Variants in GTF2F2 observed in about 807,000 individuals in gnomAD.
GTF2F2 encodes the protein ATP-dependent helicase GTF2F2.
In GTF2F2, 23 loss-of-function variants were observed where a neutral mutation model predicts 42.2. That is an observed-to-expected ratio of 0.55 (90% CI 0.39 to 0.77). The LOEUF is 0.77. Among genes scored for constraint, GTF2F2 ranks in the 30% least tolerant of loss-of-function variants. The pLI is 0.00. For missense variants in GTF2F2, 261 were observed against 287.2 expected (o/e 0.91, Z 0.66); for synonymous variants, 105 against 100.8 (o/e 1.04, Z -0.25).
intron 4 of GTF2F2, among the ~76,000 whole-genome samples, chr13:45,198,550 C>T (rs921112944): frequency 7.9e-5 from 12 of 152,172 alleles, no homozygotes; most frequent in African/African-American, 2.9e-4. Flanking sequence ...GCTATCAAAT[C>T]TTGGTTGTTG....
At chr13:45,172,919 G>A (rs1871669143) in intron 4 of GTF2F2, among the ~76,000 whole-genome samples, 1 of 151,778 alleles carries the variant, frequency 6.6e-6, no homozygotes, top group Non-Finnish European at 1.5e-5. Context: ...CATGATTGTT[G>A]ATTGTTGACC....
At chr13:45,193,490 T>C in intron 4 of GTF2F2, 1 of 270,378 alleles carries the variant, frequency 3.7e-6, no homozygotes, top group Non-Finnish European at 6.9e-6. Flanking sequence ...CCCAAGACAA[T>C]CTGAATTGAA....
At position 45,278,459 on chromosome 13, in the gene GTF2F2, T is replaced by C. The variant is rs534437248; in HGVS notation, c.631-4983T>C. ...AAGAATTGCTGGACCTGAGCCAGTT[T>C]ATTCAGATCTTGTGCTGCAGCTTGG... On this transcript the variant is annotated intron_variant, in intron 7 of 7. Transcript: ENST00000340473. Among the ~76,000 whole-genome samples the C allele has an allele frequency of 3.3e-4, 51 of 152,342 alleles. 1 individual carries two copies. The South Asian group carries it at 8.9e-3, about 27-fold the overall frequency.
chr13:45,186,043 C>T (rs948077128), intron 4 of GTF2F2, among the ~76,000 whole-genome samples: 1 of 151,818 alleles, frequency 6.6e-6, no homozygotes, highest in African/African-American at 2.4e-5. Flanking sequence ...GGCACGATCT[C>T]GGCTCACTGC....
At chr13:45,219,627 A>G (rs1874028843) in intron 5 of GTF2F2, 1 of 152,244 alleles carries the variant, frequency 6.6e-6, no homozygotes, top group Admixed American at 6.5e-5. Context: ...GAGGTAGGAC[A>G]TTAAATGATT....
rs370682302 is a variant in GTF2F2, at chr13:45,252,854, C to T, written c.387-17C>T. 2.2e-4 allele frequency: 240 copies of T among 1,078,282 alleles called. No homozygotes were observed. The highest frequency in any genetic ancestry group is 2.9e-4 in the Non-Finnish European group (214 of 744,710). The allele number at this position is 1,078,282 out of a possible 1,614,324, so 66.8% of individuals were successfully genotyped here. A position where few individuals can be genotyped will look rare whatever the true frequency, so the allele number is the denominator to read the frequency against. On this transcript the variant is annotated splice_polypyrimidine_tract_variant and intron_variant, in intron 5 of 7. Coordinates refer to ENST00000340473, the MANE Select transcript of GTF2F2 (RefSeq NM_004128.3). The stretch of plus-strand genomic sequence containing the variant: ...TGCTAAACAAGAGTGTTAATAATGC[C>T]TTATATTTTTTTTCAGATTGCAAAT...
intron 5 of GTF2F2, among the ~76,000 whole-genome samples, chr13:45,238,396 C>T (rs755644942): frequency 4.6e-5 from 7 of 152,134 alleles, no homozygotes; most frequent in African/African-American, 1.7e-4. Flanking sequence ...ATCAGCTCAA[C>T]GTTTTTTCCC....
At chr13:45,230,903 T>C (rs1224054233) in intron 5 of GTF2F2, among the ~76,000 whole-genome samples, 1 of 152,136 alleles carries the variant, frequency 6.6e-6, no homozygotes. Context: ...TGGGTTTTTT[T>C]TAGTTTGCAG....
intron 5 of GTF2F2, among the ~76,000 whole-genome samples, chr13:45,245,988 T>G (rs1424626107): frequency 8.6e-6 from 1 of 115,922 alleles, no homozygotes; most frequent in Non-Finnish European, 1.7e-5. Flanking sequence ...CACGCCAACA[T>G]CTATTATTTA....
At chr13:45,149,433 CAA>C (rs34165758) in intron 2 of GTF2F2, among the ~76,000 whole-genome samples, 25,956 of 90,720 alleles carry the variant, frequency 0.29, 1,833 homozygotes, top group Non-Finnish European at 0.31. Context: ...ACCCTGTCTC[CAA>C]AAAAAAAAAA....
At chr13:45,211,044 G>A (rs999233987) in intron 5 of GTF2F2, among the ~76,000 whole-genome samples, 10 of 152,180 alleles carry the variant, frequency 6.6e-5, no homozygotes, top group African/African-American at 2.4e-4. Flanking sequence ...AGACTTCTTT[G>A]GTTGTGGAAT....
At chr13:45,166,059 C>T (rs1045055471) in intron 4 of GTF2F2, among the ~76,000 whole-genome samples, 1 of 152,092 alleles carries the variant, frequency 6.6e-6, no homozygotes, top group African/African-American at 2.4e-5. Context: ...GGTGATCTGC[C>T]AGCATCAGCC....
At chr13:45,232,845 A>T (rs1322030313) in intron 5 of GTF2F2, among the ~76,000 whole-genome samples, 3 of 152,174 alleles carry the variant, frequency 2.0e-5, no homozygotes, top group African/African-American at 7.2e-5. Flanking sequence ...CACATAGTGT[A>T]AGTGTGTACT....
chr13:45,195,233 G>A (rs1487176850), intron 4 of GTF2F2, among the ~76,000 whole-genome samples: 2 of 151,926 alleles, frequency 1.3e-5, no homozygotes, highest in Admixed American at 1.3e-4. Context: ...CTATGTTAAA[G>A]GATGTTAAGA....
At position 45,235,651 on chromosome 13, in the gene GTF2F2, G is replaced by A. The variant is rs146110816; in HGVS notation, c.387-17220G>A. Among the ~76,000 whole-genome samples, 876 of 151,870 alleles carry A rather than the reference G, an allele frequency of 5.8e-3. 23 individuals are homozygous for A. Among genetic ancestry groups the A allele is most frequent in the Admixed American group, 0.051 (771 of 15,264 alleles). On this transcript the variant is annotated intron_variant, in intron 5 of 7. Transcript: ENST00000340473. ...GTTGCCCAGGCTGCAGTGCAGTGGC[G>A]TGATCTCAGCTCATTGCAATTTCCG... is the stretch of plus-strand genomic sequence containing the variant.
chr13:45,137,584 G>A (rs1004800953), intron 2 of GTF2F2, among the ~76,000 whole-genome samples: 8 of 152,230 alleles, frequency 5.3e-5, no homozygotes, highest in African/African-American at 1.9e-4. Context: ...TCACTTGTAT[G>A]TGGTGGTTGA....
At chr13:45,225,923 G>A (rs1874328994) in intron 5 of GTF2F2, among the ~76,000 whole-genome samples, 1 of 152,070 alleles carries the variant, frequency 6.6e-6, no homozygotes, top group Non-Finnish European at 1.5e-5. Context: ...TTCTTCATCA[G>A]CATTATAATC....
At chr13:45,248,491 G>C (rs1400816206) in intron 5 of GTF2F2, among the ~76,000 whole-genome samples, 1 of 150,734 alleles carries the variant, frequency 6.6e-6, no homozygotes, top group Non-Finnish European at 1.5e-5. Flanking sequence ...TTTTGTTTTT[G>C]AGACGGAGTT....
intron 5 of GTF2F2, among the ~76,000 whole-genome samples, chr13:45,229,077 TTCA>T (rs1190185166): frequency 3.3e-5 from 5 of 152,140 alleles, no homozygotes; most frequent in African/African-American, 7.2e-5. Context: ...GAGACAGGGT[TTCA>T]TCATGTTGGC....
Sources: allele counts gnomAD v4.1 joint callset (sites outside exome capture counted in the v4.1 genomes callset), GRCh38; gene constraint gnomAD v4.1.1; transcripts MANE v1.5; gene names NCBI Gene and HGNC (gene_info 2026-07-23, HGNC 2026-07-21).